Variants in PLEKHH2 observed in about 807,000 individuals in gnomAD.
PLEKHH2 encodes pleckstrin homology domain-containing family H member 2.
Under a neutral mutation model 187.9 loss-of-function variants are expected in PLEKHH2, and 129 were observed. That is an observed-to-expected ratio of 0.69 (90% CI 0.59 to 0.79). PLEKHH2 has a LOEUF of 0.79. PLEKHH2 is among the 30% of genes least tolerant of loss of function. The pLI is 0.00. For synonymous variants in PLEKHH2, 686 were observed against 605.6 expected (o/e 1.13, Z -1.95); for missense variants, 2,076 against 1,751.2 (o/e 1.19, Z -3.31).
chr2:43,756,746 G>A (rs1203620995), intron 25 of PLEKHH2, among the ~76,000 whole-genome samples: 4 of 152,060 alleles, frequency 2.6e-5, no homozygotes, highest in African/African-American at 7.2e-5. Flanking sequence ...TCAGGAGTTC[G>A]AGACCAGCCT....
chr2:43,747,298 A>G lies in PLEKHH2; in HGVS notation c.3653+1335A>G, dbSNP rs116276688. 7.9e-3 allele frequency among the ~76,000 whole-genome samples: 1,209 copies of G among 152,312 alleles called. 18 individuals are homozygous for G. Among genetic ancestry groups the G allele is most frequent in the African/African-American group, 0.028 (1,143 of 41,560 alleles). On this transcript the variant is annotated intron_variant, in intron 24 of 29. Transcript: ENST00000282406. ...CTCACTCTAATGAGTGTGTAATGAC[A>G]CAGTATGTTCTCTGAAGAGAGAGAG...
intron 2 of PLEKHH2, among the ~76,000 whole-genome samples, chr2:43,648,063 C>T (rs1666269030): frequency 6.6e-6 from 1 of 152,176 alleles, no homozygotes; most frequent in Non-Finnish European, 1.5e-5. Flanking sequence ...TATCACACAG[C>T]TAACAAAAAG....
At chr2:43,741,938 C>T (rs912345013) in intron 21 of PLEKHH2, among the ~76,000 whole-genome samples, 6 of 152,100 alleles carry the variant, frequency 3.9e-5, no homozygotes, top group African/African-American at 1.4e-4. Flanking sequence ...TAATGCTTAA[C>T]AGTTTTTCAC....
At chr2:43,670,687 ATTC>A (rs1038981037) in intron 2 of PLEKHH2, among the ~76,000 whole-genome samples, 7 of 151,524 alleles carry the variant, frequency 4.6e-5, no homozygotes, top group African/African-American at 1.2e-4. Context: ...CAAATTTCAG[ATTC>A]TTCTTCTTAA....
chr2:43,713,726 T>C (rs538277788), intron 15 of PLEKHH2, among the ~76,000 whole-genome samples: 2 of 151,914 alleles, frequency 1.3e-5, no homozygotes, highest in Non-Finnish European at 2.9e-5. Context: ...AAAAGTCCTA[T>C]TGGTCACTTT....
At position 43,700,588 on chromosome 2, in the gene PLEKHH2, C is replaced by T; in HGVS notation, c.1630C>T (p.Leu544=). ...ATACAGCAAACCTCCAACTCCTCCC[C>T]TGCACCGTTTTCCTTCTTGGGTAAT... is the stretch of plus-strand genomic sequence containing the variant. ...VAYSKPPTPP[L]HRFPSWESRI... Residue 544 remains leucine (L), a synonymous_variant, in exon 8 of 30, where the codon CTG becomes TTG. Coordinates refer to ENST00000282406, the MANE Select transcript of PLEKHH2 (RefSeq NM_172069.4). The T allele has an allele frequency of 6.2e-7, 1 of 1,609,454 alleles. No homozygotes were observed. Among genetic ancestry groups the T allele is most frequent in the Non-Finnish European group, 8.5e-7 (1 of 1,178,974 alleles).
chr2:43,682,744 GC>G (rs1484587016), intron 3 of PLEKHH2, among the ~76,000 whole-genome samples: 2 of 152,024 alleles, frequency 1.3e-5, no homozygotes, highest in African/African-American at 4.8e-5. Flanking sequence ...CCTCCCACTA[GC>G]CCCTGGCAAC....
intron 17 of PLEKHH2, among the ~76,000 whole-genome samples, chr2:43,726,762 A>G (rs971575033): frequency 1.3e-5 from 2 of 152,176 alleles, no homozygotes; most frequent in African/African-American, 4.8e-5. Context: ...ACTCTGTTTT[A>G]TATTTTTGAC....
intron 19 of PLEKHH2, among the ~76,000 whole-genome samples, chr2:43,735,420 C>G (rs1474192591): frequency 6.6e-6 from 1 of 151,978 alleles, no homozygotes; most frequent in South Asian, 2.1e-4. Context: ...TTACCAGAGG[C>G]TGGGTAGTAG....
chr2:43,740,978 C>T lies in PLEKHH2; in HGVS notation c.3156C>T (p.Leu1052=), dbSNP rs966122396. The change falls in exon 21 of 30, where the codon CTC becomes CTT. Residue 1052 remains leucine (L), a synonymous_variant. Coordinates refer to ENST00000282406, the MANE Select transcript of PLEKHH2 (RefSeq NM_172069.4). ...GWQLLALCVG[L]FLPHHPFLWL... is the part of the protein sequence containing the mutation. ...AGCTCTTGGCACTCTGCGTTGGGCT[C>T]TTCCTTCCCCATCATCCTTTCCTGT... 4 of 1,613,974 alleles carry T rather than the reference C, an allele frequency of 2.5e-6. No individual in the cohort carries two copies. Among genetic ancestry groups the T allele is most frequent in the Non-Finnish European group, 3.4e-6 (4 of 1,179,982 alleles).
chr2:43,658,324 A>C (rs563869514), intron 2 of PLEKHH2, among the ~76,000 whole-genome samples: 1 of 152,286 alleles, frequency 6.6e-6, no homozygotes, highest in South Asian at 2.1e-4. Context: ...ACCATTTTTC[A>C]TGTTATGAGC....
At chr2:43,744,090 TC>T in intron 23 of PLEKHH2, 101 bp downstream of exon 23, 1 of 1,480,200 alleles carries the variant, frequency 6.8e-7, no homozygotes, top group Admixed American at 2.4e-5. Flanking sequence ...TCAGGAGTTT[TC>T]CAAAACTTTA....
At chr2:43,692,779 G>A (rs1343208551) in intron 4 of PLEKHH2, 116 bp downstream of exon 4, 1 of 1,155,804 alleles carries the variant, frequency 8.7e-7, no homozygotes, top group East Asian at 2.5e-5. Context: ...TGCTTATTCG[G>A]TCAACCCATA....
Position 43,697,189 on chromosome 2 carries a change from C to A in PLEKHH2, c.521C>A (p.Ser174Ter). ...SKLQEVQGKK[S>*]STVSTLKLSE... Reference sequence around the variant, plus strand: ...GTTGTAGAAGTTCAAGGAAAGAAGTCATCCACTGTCTCTACACTAAAGCTT... The same window carrying A: ...GTTGTAGAAGTTCAAGGAAAGAAGTAATCCACTGTCTCTACACTAAAGCTT... The change falls in exon 7 of 30, where the codon TCA (serine) becomes TAA (stop). Residue 174 changes from serine (S) to a stop codon, truncating the protein, a stop_gained. Transcript: ENST00000282406. LOFTEE classifies it high-confidence loss of function. 2 of 1,580,650 alleles carry A rather than the reference C, an allele frequency of 1.3e-6. No homozygotes were observed. The highest frequency in any genetic ancestry group is 8.6e-7 in the Non-Finnish European group (1 of 1,168,040).
At chr2:43,655,964 A>AT (rs10646252) in intron 2 of PLEKHH2, among the ~76,000 whole-genome samples, 30,172 of 148,488 alleles carry the variant, frequency 0.2, 3,138 homozygotes, top group Middle Eastern at 0.31. Flanking sequence ...TATCTTAGTG[A>AT]TTTTTTTTTT....
rs534856513 is a variant in PLEKHH2, at chr2:43,711,073, C to T, written c.2301+498C>T. On this transcript the variant is annotated intron_variant, in intron 14 of 29. Coordinates refer to ENST00000282406, the MANE Select transcript of PLEKHH2 (RefSeq NM_172069.4). ...CAAGCAAGTCACACTGTAGGGGCAG[C>T]TGCTGCCCATTTTACTCACACATAA... 7.1e-6 allele frequency: 7 copies of T among 986,738 alleles called. No homozygotes were observed. The East Asian group carries it at 5.6e-4, about 80-fold the overall frequency. 61.1% of individuals were successfully genotyped at this position (986,738 alleles called of 1,614,324 possible). A position where few individuals can be genotyped will look rare whatever the true frequency, so the allele number is the denominator to read the frequency against.
intron 15 of PLEKHH2, among the ~76,000 whole-genome samples, chr2:43,716,521 T>G (rs1670217660): frequency 6.6e-6 from 1 of 152,150 alleles, no homozygotes. Context: ...CCACCAGACT[T>G]TCTGATTTGA....
intron 2 of PLEKHH2, among the ~76,000 whole-genome samples, chr2:43,668,249 C>G (rs1667321083): frequency 6.6e-6 from 1 of 152,162 alleles, no homozygotes; most frequent in Non-Finnish European, 1.5e-5. Flanking sequence ...CCAGATTGGT[C>G]TCGAATTCCT....
rs533560465 is a variant in PLEKHH2, at chr2:43,657,888, G to T, written c.123+13092G>T. On this transcript the variant is annotated intron_variant, in intron 2 of 29. Coordinates refer to ENST00000282406, the MANE Select transcript of PLEKHH2 (RefSeq NM_172069.4). ...TACCTGTGTGTCTTAAAATTTTAAG[G>T]GTAAACAGTAAGTTTTGCCCTCCTT... 5.3e-5 allele frequency among the ~76,000 whole-genome samples: 8 copies of T among 152,176 alleles called. No individual in the cohort carries two copies. In the South Asian group the frequency reaches 1.7e-3, roughly 32 times the overall value.
Sources: allele counts gnomAD v4.1 joint callset (sites outside exome capture counted in the v4.1 genomes callset), GRCh38; gene constraint gnomAD v4.1.1; transcripts MANE v1.5; gene names NCBI Gene and HGNC (gene_info 2026-07-23, HGNC 2026-07-21).